Variants in LRP2 observed in about 807,000 individuals in gnomAD.
The protein encoded by LRP2 is low-density lipoprotein receptor-related protein 2.
A neutral mutation model predicts 531.0 loss-of-function variants in LRP2; 172 were observed. The ratio of observed to expected loss-of-function variants is 0.32; its 90% CI spans 0.29 to 0.37. The LOEUF is 0.37. Among genes scored for constraint, LRP2 ranks in the 10% least tolerant of loss-of-function variants. The pLI, the probability that LRP2 is intolerant of heterozygous loss-of-function variation, is 1.00. For missense variants in LRP2, 5,167 were observed against 5,868.3 expected, an observed-to-expected ratio of 0.88 and a Z score of 3.90; for synonymous variants, 1,992 against 2,027.6, an observed-to-expected ratio of 0.98 and a Z score of 0.47.
Position 169,142,703 on chromosome 2 carries a change from A to G in LRP2, c.13079T>C (p.Ile4360Thr). The change falls in exon 71 of 79, where the codon ATA becomes ACA. Residue 4360 changes from isoleucine (I) to threonine (T), a missense_variant. By Grantham distance (89) the Ile-to-Thr change is moderately conservative. Around this residue, in one of 6 missense-constraint regions of LRP2, gnomAD observed 348 missense variants for 369.3 expected, o/e 0.94. Transcript: ENST00000649046. The stretch of plus-strand genomic sequence containing the variant: ...ATCACACTCAGTGGTGCTCCCCTCT[A>G]TAAAGCTGGAGCCTTGGGGACAGGC... ...SCACPQGSSF[I>T]EGSTTECDAA... is the part of the protein sequence containing the mutation. The G allele has an allele frequency of 6.2e-7, 1 of 1,613,990 alleles. No homozygotes were observed. The highest frequency in any genetic ancestry group is 8.5e-7 in the Non-Finnish European group (1 of 1,179,906).
rs1026677880 is a variant in LRP2, at chr2:169,206,564, T to G, written c.7156A>C (p.Thr2386Pro). 2 of 1,614,102 alleles carry G rather than the reference T, an allele frequency of 1.2e-6. No individual in the cohort carries two copies. The highest frequency in any genetic ancestry group is 2.7e-5 in the African/African-American group (2 of 74,930). ...QSDGKNCAIS[T>P]ENFLIFALSN... ...AAGGCAAAGATGAGGAAATTTTCTG[T>G]TGAAATGGCACAATTCTTGCCATCA... Residue 2386 changes from threonine (T) to proline (P), a missense_variant, in exon 39 of 79, where the codon ACA becomes CCA. By Grantham distance (38) the Thr-to-Pro change is conservative (BLOSUM62 -1). This residue lies in a region of LRP2 where 2,811 missense variants were observed against 3,058.0 expected (regional missense o/e 0.92). Transcript: ENST00000649046.
chr2:169,294,737 A>AT, intron 4 of LRP2, 27 bp from the exon 5 acceptor site: 1 of 1,310,542 alleles, frequency 7.6e-7, no homozygotes, highest in Non-Finnish European at 1.1e-6. Context: ...AAAAAAAAAA[A>AT]AAAGGAAAAG....
intron 16 of LRP2, among the ~76,000 whole-genome samples, chr2:169,269,693 G>A (rs1264236014): frequency 6.6e-6 from 1 of 152,138 alleles, no homozygotes; most frequent in African/African-American, 2.4e-5. Flanking sequence ...CCATAGGTGT[G>A]GGCAAGGACT....
Position 169,173,211 on chromosome 2 carries a change from A to T in LRP2, c.11028T>A (p.His3676Gln), listed in dbSNP as rs1189611757. 1 of 1,614,066 alleles carries T rather than the reference A, an allele frequency of 6.2e-7. No homozygotes were observed. The change falls in exon 57 of 79, where the codon CAT (histidine) becomes CAA (glutamine). Residue 3676 changes from histidine (H) to glutamine (Q), a missense_variant. Physicochemically the swap from His to Gln is conservative, Grantham distance 24 (BLOSUM62 0). Transcript: ENST00000649046. ...TGAATTCTGTGAAGTTGTCACAGAG[A>T]TGGGCAGAGCTCACTGAAAAGGGAG... The part of the protein sequence containing the change: ...EPIEECMSSA[H>Q]LCDNFTEFSC...
chr2:169,245,660 A>G (rs922458337), intron 21 of LRP2, among the ~76,000 whole-genome samples: 2 of 152,090 alleles, frequency 1.3e-5, no homozygotes, highest in African/African-American at 4.8e-5. Flanking sequence ...TAGGCCCCAA[A>G]CTATATAGAC....
At chr2:169,215,790 T>G (rs1307778777) in intron 35 of LRP2, among the ~76,000 whole-genome samples, 1 of 148,216 alleles carries the variant, frequency 6.7e-6, no homozygotes, top group Non-Finnish European at 1.5e-5. Context: ...ATATAGAATC[T>G]ATATAGATTC....
chr2:169,147,002 G>A, intron 68 of LRP2, 43 bp from the exon 69 acceptor site: 2 of 1,436,840 alleles, frequency 1.4e-6, no homozygotes, highest in Non-Finnish European at 1.9e-6. Flanking sequence ...CACCTGGTAA[G>A]ACTTCTCCAC....
intron 37 of LRP2, among the ~76,000 whole-genome samples, chr2:169,210,835 A>G (rs541833139): frequency 1.8e-4 from 28 of 152,238 alleles, no homozygotes; most frequent in Non-Finnish European, 2.8e-4. Context: ...GTGGCATGGT[A>G]TTAAAATTTA....
chr2:169,149,809 C>G (rs548170986), intron 68 of LRP2, among the ~76,000 whole-genome samples: 11 of 151,234 alleles, frequency 7.3e-5, no homozygotes, highest in Admixed American at 2.6e-4. Flanking sequence ...GCACTCCAGC[C>G]TGGGCAACAG....
At chr2:169,361,350 G>GTCTCTCTCTGTCTCTC (rs1559092778) in intron 1 of LRP2, among the ~76,000 whole-genome samples, 37 of 21,968 alleles carry the variant, frequency 1.7e-3, no homozygotes, top group Non-Finnish European at 2.6e-3. Flanking sequence ...GTCTCTCTCT[G>GTCTCTCTCTGTCTCTC]TCTCTCTCTC....
At chr2:169,171,861 T>C (rs994946891) in intron 58 of LRP2, among the ~76,000 whole-genome samples, 154 bp downstream of exon 58, 4 of 152,182 alleles carry the variant, frequency 2.6e-5, no homozygotes, top group African/African-American at 9.7e-5. Flanking sequence ...GAAGAGAAAG[T>C]AGAAATGTAC....
At chr2:169,243,584 A>T in intron 22 of LRP2, 62 bp from the exon 23 acceptor site, 1 of 1,605,466 alleles carries the variant, frequency 6.2e-7, no homozygotes, top group Admixed American at 1.7e-5. Context: ...ACCAGAGCCA[A>T]ACTAAAAATG....
intron 13 of LRP2, among the ~76,000 whole-genome samples, chr2:169,277,204 A>G (rs1683579686): frequency 6.6e-6 from 1 of 151,852 alleles, no homozygotes. Context: ...AAAAAAAAAA[A>G]AAAAAAAAGA....
chr2:169,177,685 A>T, intron 53 of LRP2, 118 bp downstream of exon 53: 1 of 883,914 alleles, frequency 1.1e-6, no homozygotes, highest in South Asian at 1.3e-5. Context: ...TATGCTTTGA[A>T]GAAAACACTA....
chr2:169,350,108 CA>C (rs1011399152), intron 1 of LRP2, among the ~76,000 whole-genome samples: 1 of 152,130 alleles, frequency 6.6e-6, no homozygotes, highest in Admixed American at 6.5e-5. Flanking sequence ...AAGATCAAAA[CA>C]ATGGGATTTT....
intron 36 of LRP2, among the ~76,000 whole-genome samples, chr2:169,212,537 C>T (rs1235957167): frequency 6.6e-6 from 1 of 151,994 alleles, no homozygotes; most frequent in African/African-American, 2.4e-5. Context: ...ATAATATGTT[C>T]AGTTACATGA....
At chr2:169,139,103 C>T (rs1056842324) in intron 74 of LRP2, 148 bp downstream of exon 74, 3 of 1,178,104 alleles carry the variant, frequency 2.5e-6, no homozygotes, top group African/African-American at 3.0e-5. Flanking sequence ...GAAGTGACTG[C>T]TTTACATCCT....
chr2:169,204,337 C>A, intron 41 of LRP2, 66 bp from the exon 42 acceptor site: 2 of 1,415,422 alleles, frequency 1.4e-6, no homozygotes, highest in Admixed American at 1.7e-5. Flanking sequence ...CAACTGGCAG[C>A]CCAATGCATG....
At position 169,188,165 on chromosome 2, in the gene LRP2, T is replaced by C. The variant is rs767945891; in HGVS notation, c.9133A>G (p.Ile3045Val). 7 of 1,614,082 alleles carry C rather than the reference T, an allele frequency of 4.3e-6. No homozygotes were observed. The highest frequency in any genetic ancestry group is 3.3e-5 in the South Asian group (3 of 91,088). The change falls in exon 49 of 79, where the codon ATT (isoleucine) becomes GTT (valine). Residue 3045 changes from isoleucine (I) to valine (V), a missense_variant. This residue lies in a region of LRP2 where 1,129 missense variants were observed against 1,362.7 expected (regional missense o/e 0.83). Transcript: ENST00000649046. ...NQFTCQNGRC[I>V]SKTFVCDEDN... is the part of the protein sequence containing the mutation. ...TCATCACAGACGAAGGTTTTACTAA[T>C]GCAGCGCCCGTTCTGACAGGTAAAC...
Sources: gnomAD v4.1 joint callset for allele counts (sites outside exome capture counted in the v4.1 genomes callset) on GRCh38, gnomAD v4.1.1 for gene constraint, gnomAD v4.1.1 regional missense constraint, MANE v1.5 for transcripts, NCBI Gene and HGNC (gene_info 2026-07-23, HGNC 2026-07-21) for gene names.